The following DAB1 variants were observed in gnomAD, a reference collection of about 807,000 sequenced individuals.
DAB1 encodes disabled homolog 1.
Under a neutral mutation model 64.6 loss-of-function variants are expected in DAB1, and 15 were observed. That is an observed-to-expected ratio of 0.23 (90% confidence interval 0.16 to 0.36). The LOEUF (loss-of-function observed/expected upper bound fraction) is 0.36, where lower values mean the gene tolerates loss of function less well. DAB1 is among the 10% of genes least tolerant of loss of function. The pLI, the probability that DAB1 is intolerant of heterozygous loss-of-function variation, is 1.00. For missense variants in DAB1, 596 were observed against 706.7 expected, an observed-to-expected ratio of 0.84 and a Z score of 1.78; for synonymous variants, 235 against 251.9, an observed-to-expected ratio of 0.93 and a Z score of 0.64.
intron 7 of DAB1, among the ~76,000 whole-genome samples, chr1:57,450,972 T>G (rs1686327735): frequency 6.6e-6 from 1 of 152,238 alleles, no homozygotes; most frequent in Admixed American, 6.5e-5. Context: ...TAAAACGTCT[T>G]TCTTTTATGC....
intron 7 of DAB1, among the ~76,000 whole-genome samples, chr1:57,446,409 C>A (rs1044315194): frequency 1.3e-5 from 2 of 151,902 alleles, no homozygotes; most frequent in Non-Finnish European, 2.9e-5. Flanking sequence ...ACCAGCCTCA[C>A]CCACACGGAG....
At chr1:58,111,477 C>T (rs1651960701) in intron 5 of DAB1, among the ~76,000 whole-genome samples, 1 of 152,210 alleles carries the variant, frequency 6.6e-6, no homozygotes, top group Admixed American at 6.5e-5. Flanking sequence ...CTCTGCAATA[C>T]AGAATGCAGT....
At chr1:58,306,179 T>C (rs1415300624) in intron 4 of DAB1, among the ~76,000 whole-genome samples, 1 of 151,972 alleles carries the variant, frequency 6.6e-6, no homozygotes, top group African/African-American at 2.4e-5. Flanking sequence ...CCTGGAGAAA[T>C]AATGAGTGTC....
intron 2 of DAB1, among the ~76,000 whole-genome samples, chr1:57,232,284 CTT>C (rs74940041): frequency 0.021 from 1,709 of 81,658 alleles, 27 homozygotes; most frequent in African/African-American, 0.073. Flanking sequence ...GCAGTGGCCA[CTT>C]TTTTTTTTTT....
intron 3 of DAB1, among the ~76,000 whole-genome samples, chr1:57,144,754 T>A (rs1570774194): frequency 6.6e-6 from 1 of 152,032 alleles, no homozygotes; most frequent in South Asian, 2.1e-4. Context: ...AGAAAAGGCT[T>A]CTTTATAGCA....
At chr1:58,043,348 A>T (rs1325249378) in intron 5 of DAB1, among the ~76,000 whole-genome samples, 1 of 152,214 alleles carries the variant, frequency 6.6e-6, no homozygotes, top group Non-Finnish European at 1.5e-5. Flanking sequence ...TATAAAAAAC[A>T]ATTTGGATAA....
intron 5 of DAB1, among the ~76,000 whole-genome samples, chr1:57,966,852 T>G (rs149947917): frequency 2.0e-5 from 3 of 152,326 alleles, no homozygotes; most frequent in Non-Finnish European, 4.4e-5. Flanking sequence ...TGTTAAGAGC[T>G]TATTCATCTT....
intron 3 of DAB1, among the ~76,000 whole-genome samples, chr1:58,420,739 G>A (rs1248651078): frequency 1.3e-5 from 2 of 152,128 alleles, no homozygotes; most frequent in African/African-American, 4.8e-5. Context: ...ACCTGGTAGG[G>A]TTATTGTTGG....
At chr1:58,069,412 T>C (rs934463951) in intron 5 of DAB1, among the ~76,000 whole-genome samples, 1 of 152,260 alleles carries the variant, frequency 6.6e-6, no homozygotes, top group Non-Finnish European at 1.5e-5. Flanking sequence ...ATTAATTTTG[T>C]CTACCATAAT....
At chr1:57,415,600 C>T (rs1165832894) in intron 1 of DAB1, among the ~76,000 whole-genome samples, 5 of 152,166 alleles carry the variant, frequency 3.3e-5, no homozygotes, top group Non-Finnish European at 7.4e-5. Flanking sequence ...TGCCATAGCT[C>T]AGATTCAGCA....
At chr1:57,136,784 C>T (rs1658161804) in intron 3 of DAB1, 143 bp from the exon 4 acceptor site, 1 of 441,784 alleles carries the variant, frequency 2.3e-6, no homozygotes, top group South Asian at 5.9e-5. Context: ...TTTCTCTACT[C>T]AATGCGGCTC....
chr1:57,617,052 C>T (rs1205019905), intron 7 of DAB1, among the ~76,000 whole-genome samples: 1 of 152,154 alleles, frequency 6.6e-6, no homozygotes, highest in Non-Finnish European at 1.5e-5. Context: ...AACTGCCTAG[C>T]CAGTGGACCG....
chr1:57,544,059 G>A (rs1454657291), intron 7 of DAB1, among the ~76,000 whole-genome samples: 5 of 152,292 alleles, frequency 3.3e-5, no homozygotes, highest in East Asian at 3.9e-4. Flanking sequence ...GCTACAGTGA[G>A]CTCTGATCAT....
intron 6 of DAB1, among the ~76,000 whole-genome samples, chr1:57,672,865 C>G (rs534455581): frequency 6.6e-6 from 1 of 152,100 alleles, no homozygotes; most frequent in South Asian, 2.1e-4. Flanking sequence ...TCTCTATTGG[C>G]TAACATAGCT....
chr1:57,605,213 C>T (rs1645622074), intron 7 of DAB1, among the ~76,000 whole-genome samples: 4 of 152,152 alleles, frequency 2.6e-5, no homozygotes, highest in Admixed American at 2.6e-4. Context: ...CACCGTTGGC[C>T]TGCTCCCAGA....
At chr1:58,204,874 T>C (rs1482771288) in intron 4 of DAB1, among the ~76,000 whole-genome samples, 1 of 152,190 alleles carries the variant, frequency 6.6e-6, no homozygotes, top group South Asian at 2.1e-4. Flanking sequence ...CGTCACGATG[T>C]GATTCCAACT....
At chr1:57,429,113 C>T (rs1685404062) in intron 7 of DAB1, among the ~76,000 whole-genome samples, 1 of 152,032 alleles carries the variant, frequency 6.6e-6, no homozygotes, top group Admixed American at 6.6e-5. Flanking sequence ...CAAGGTCTCC[C>T]TATGTTTTTC....
intron 2 of DAB1, among the ~76,000 whole-genome samples, chr1:57,283,794 C>T (rs1672099415): frequency 6.6e-6 from 1 of 152,164 alleles, no homozygotes; most frequent in Admixed American, 6.5e-5. Flanking sequence ...GGAGCTCCAG[C>T]CAGGGAGCCA....
At chr1:58,024,488 G>A (rs1419871010) in intron 5 of DAB1, among the ~76,000 whole-genome samples, 2 of 152,142 alleles carry the variant, frequency 1.3e-5, no homozygotes, top group Non-Finnish European at 2.9e-5. Context: ...AAACAACTAT[G>A]CTAACATGCT....
Sources: allele counts gnomAD v4.1 joint callset (sites outside exome capture counted in the v4.1 genomes callset), GRCh38; gene constraint gnomAD v4.1.1; transcripts MANE v1.5; gene names NCBI Gene and HGNC (gene_info 2026-07-23, HGNC 2026-07-21).